The following SRRM4 variants were observed in gnomAD, a reference collection of about 807,000 sequenced individuals.
The protein encoded by SRRM4 is serine/arginine repetitive matrix 4, also known as serine/arginine repetitive matrix protein 4.
Under a neutral mutation model 68.9 loss-of-function variants are expected in SRRM4, and 33 were observed. That is an observed-to-expected ratio of 0.48 (90% CI 0.36 to 0.64). SRRM4 has a LOEUF of 0.64. SRRM4 is among the 30% of genes least tolerant of loss of function. The pLI, the probability that SRRM4 is intolerant of heterozygous loss-of-function variation, is 0.00. For missense variants in SRRM4, 817 were observed against 827.1 expected (o/e 0.99, Z 0.15); for synonymous variants, 318 against 318.8 (o/e 1.00, Z 0.03).
intron 1 of SRRM4, among the ~76,000 whole-genome samples, chr12:119,101,495 G>C (rs1323927306): frequency 6.6e-6 from 1 of 151,906 alleles, no homozygotes; most frequent in Non-Finnish European, 1.5e-5. Context: ...TTGGAGATTT[G>C]GTTTACAAGG....
At chr12:119,038,963 T>C (rs1322775492) in intron 1 of SRRM4, among the ~76,000 whole-genome samples, 1 of 152,216 alleles carries the variant, frequency 6.6e-6, no homozygotes, top group African/African-American at 2.4e-5. Flanking sequence ...GAACACCACC[T>C]ACTAAGAGCA....
chr12:119,048,045 C>T (rs1375605422), intron 1 of SRRM4, among the ~76,000 whole-genome samples: 2 of 152,236 alleles, frequency 1.3e-5, no homozygotes, highest in Non-Finnish European at 2.9e-5. Context: ...GTGCATGTTA[C>T]TTTGCAGTTT....
At chr12:119,096,953 A>G (rs1046856274) in intron 1 of SRRM4, among the ~76,000 whole-genome samples, 2 of 152,140 alleles carry the variant, frequency 1.3e-5, no homozygotes, top group African/African-American at 4.8e-5. Context: ...GCCGGTTGCC[A>G]TGACTACAGA....
intron 8 of SRRM4, among the ~76,000 whole-genome samples, chr12:119,139,596 C>T (rs1469770487): frequency 6.6e-6 from 1 of 152,188 alleles, no homozygotes; most frequent in African/African-American, 2.4e-5. Context: ...CTCCTCTCTG[C>T]CAGAGGAATC....
Position 119,150,880 on chromosome 12 carries a change from G to A in SRRM4, c.1077-137G>A. ...ATATGTGGCCTGGGAAGTCTTTCCA[G>A]AGAGAATAGGATGGGAAAAGGGGCA... On this transcript the variant is annotated intron_variant, in intron 9 of 12. Coordinates refer to ENST00000267260, the MANE Select transcript of SRRM4 (RefSeq NM_194286.4). The A allele has an allele frequency of 6.7e-6, 5 of 741,362 alleles. 1 individual carries two copies. The highest frequency in any genetic ancestry group is 5.4e-5 in the East Asian group (2 of 37,060). The allele number at this position is 741,362 out of a possible 1,614,324, so 45.9% of individuals were successfully genotyped here. A position where few individuals can be genotyped will look rare whatever the true frequency, so the allele number is the denominator to read the frequency against.
chr12:119,016,540 T>C (rs949208528), intron 1 of SRRM4, among the ~76,000 whole-genome samples: 6 of 152,072 alleles, frequency 3.9e-5, no homozygotes, highest in Non-Finnish European at 7.4e-5. Flanking sequence ...ATGAAAACCA[T>C]ATAACATAGA....
At chr12:119,122,187 C>T in intron 6 of SRRM4, 67 bp downstream of exon 6, 1 of 1,153,338 alleles carries the variant, frequency 8.7e-7, no homozygotes, top group Non-Finnish European at 1.3e-6. Context: ...TTCTTAAAAG[C>T]CAGAGTCTTA....
At position 119,153,657 on chromosome 12, in the gene SRRM4, C is replaced by T. The variant is rs1166050846; in HGVS notation, c.1391+8C>T. The T allele has an allele frequency of 9.7e-6, 15 of 1,542,182 alleles. No homozygotes were observed. The highest frequency in any genetic ancestry group is 1.3e-5 in the Non-Finnish European group (15 of 1,144,032). On this transcript the variant is annotated splice_region_variant and intron_variant, in intron 11 of 12. Coordinates refer to ENST00000267260, the MANE Select transcript of SRRM4 (RefSeq NM_194286.4). ...CCGCTACAGCCCCAGCAGGTACCGG[C>T]CCCGCCCCTCAAACTAGGCCCGTCC...
intron 1 of SRRM4, among the ~76,000 whole-genome samples, chr12:119,033,705 G>C (rs568634969): frequency 6.6e-6 from 1 of 150,684 alleles, no homozygotes; most frequent in African/African-American, 2.4e-5. Flanking sequence ...GACATGTTTC[G>C]TGTTTCTTTC....
At chr12:119,022,551 T>C (rs1953522911) in intron 1 of SRRM4, among the ~76,000 whole-genome samples, 1 of 152,214 alleles carries the variant, frequency 6.6e-6, no homozygotes, top group African/African-American at 2.4e-5. Flanking sequence ...GTCTACCTGA[T>C]GTGAAGGAAG....
intron 1 of SRRM4, among the ~76,000 whole-genome samples, chr12:118,986,152 G>A (rs1953280717): frequency 6.6e-6 from 1 of 152,088 alleles, no homozygotes. Context: ...GACTCCCCTC[G>A]GTGCCAAGAG....
chr12:119,077,532 T>G (rs1953923817), intron 1 of SRRM4, among the ~76,000 whole-genome samples: 1 of 152,190 alleles, frequency 6.6e-6, no homozygotes, highest in Non-Finnish European at 1.5e-5. Context: ...TCATATTAGC[T>G]TAGCACAGTG....
chr12:118,988,855 G>C (rs1441612164), intron 1 of SRRM4, among the ~76,000 whole-genome samples: 4 of 152,142 alleles, frequency 2.6e-5, no homozygotes, highest in Non-Finnish European at 5.9e-5. Context: ...GAGGGAATGA[G>C]CTGCTTTGTT....
intron 1 of SRRM4, among the ~76,000 whole-genome samples, chr12:119,086,144 C>A (rs532575840): frequency 7.9e-5 from 12 of 152,186 alleles, no homozygotes; most frequent in South Asian, 2.1e-4. Context: ...ACGTAACTAA[C>A]CTGCCTGTAT....
At chr12:119,068,895 G>A (rs1024885591) in intron 1 of SRRM4, among the ~76,000 whole-genome samples, 1 of 152,114 alleles carries the variant, frequency 6.6e-6, no homozygotes, top group African/African-American at 2.4e-5. Flanking sequence ...GTCGGGAGGG[G>A]AGGGCGACGA....
intron 1 of SRRM4, among the ~76,000 whole-genome samples, chr12:119,025,529 C>T (rs563181989): frequency 5.9e-5 from 9 of 152,262 alleles, no homozygotes; most frequent in African/African-American, 2.2e-4. Context: ...ACCGCAACCT[C>T]TGCCTCCCGG....
intron 6 of SRRM4, among the ~76,000 whole-genome samples, chr12:119,123,815 C>T (rs561349391): frequency 6.6e-6 from 1 of 152,286 alleles, no homozygotes; most frequent in African/African-American, 2.4e-5. Flanking sequence ...ACTGGCCTTG[C>T]GCTGGGCCCA....
chr12:119,105,769 G>A (rs1467081050), intron 2 of SRRM4, among the ~76,000 whole-genome samples: 1 of 152,140 alleles, frequency 6.6e-6, no homozygotes, highest in Non-Finnish European at 1.5e-5. Context: ...CATTCTGCAG[G>A]TTGCCTGTTC....
intron 1 of SRRM4, among the ~76,000 whole-genome samples, chr12:119,048,582 A>G (rs537147802): frequency 2.0e-5 from 3 of 152,158 alleles, no homozygotes; most frequent in South Asian, 4.2e-4. Flanking sequence ...TTACACCTGG[A>G]CGTTTGAATT....
Sources: gnomAD v4.1 joint callset for allele counts (sites outside exome capture counted in the v4.1 genomes callset) on GRCh38, gnomAD v4.1.1 for gene constraint, MANE v1.5 for transcripts, NCBI Gene and HGNC (gene_info 2026-07-23, HGNC 2026-07-21) for gene names.